The following KIAA0825 variants were observed in gnomAD, a reference collection of about 807,000 sequenced individuals.
The protein encoded by KIAA0825 is KIAA0825.
KIAA0825 carries 119 observed loss-of-function variants against 147.6 expected under a neutral mutation model. That is an observed-to-expected ratio of 0.81 (90% CI 0.69 to 0.94). The LOEUF (loss-of-function observed/expected upper bound fraction) is 0.94, where lower values mean the gene tolerates loss of function less well. Among genes scored for constraint, KIAA0825 ranks in the 40% least tolerant of loss-of-function variants. The probability of loss-of-function intolerance (pLI) is 0.00; values close to 1 mark genes in which losing one functional copy is unlikely to be tolerated. For missense variants in KIAA0825, 1,381 were observed against 1,472.7 expected (o/e 0.94, Z 1.02); for synonymous variants, 470 against 518.1 (o/e 0.91, Z 1.26).
chr5:94,444,931 A>T (rs1001026856), intron 13 of KIAA0825, among the ~76,000 whole-genome samples: 4 of 152,152 alleles, frequency 2.6e-5, no homozygotes, highest in African/African-American at 9.7e-5. Flanking sequence ...AAAGAGGTTT[A>T]ATTGACTCAC....
At chr5:94,445,948 C>T (rs1364881724) in intron 13 of KIAA0825, among the ~76,000 whole-genome samples, 1 of 152,238 alleles carries the variant, frequency 6.6e-6, no homozygotes, top group East Asian at 1.9e-4. Context: ...CATCAGAGCA[C>T]AAGATCGCTA....
chr5:94,304,512 C>T (rs1050249468), intron 20 of KIAA0825, among the ~76,000 whole-genome samples: 3 of 151,982 alleles, frequency 2.0e-5, no homozygotes, highest in Admixed American at 6.6e-5. Context: ...TCAGAAGACT[C>T]GCCGAATCTC....
chr5:94,521,550 A>G (rs1768207013), intron 4 of KIAA0825, among the ~76,000 whole-genome samples: 1 of 151,742 alleles, frequency 6.6e-6, no homozygotes, highest in African/African-American at 2.4e-5. Flanking sequence ...TTTGAAAATT[A>G]ATCTGAGAAT....
At chr5:94,258,530 C>T (rs1776349027) in intron 20 of KIAA0825, among the ~76,000 whole-genome samples, 1 of 151,764 alleles carries the variant, frequency 6.6e-6, no homozygotes, top group African/African-American at 2.4e-5. Context: ...TTCTGTTTTT[C>T]CCCCAGCAAC....
chr5:94,217,103 G>A (rs1773273116), intron 20 of KIAA0825, among the ~76,000 whole-genome samples: 1 of 152,140 alleles, frequency 6.6e-6, no homozygotes, highest in Admixed American at 6.6e-5. Flanking sequence ...ATGTATACAT[G>A]TAGGAGTTGA....
intron 20 of KIAA0825, among the ~76,000 whole-genome samples, chr5:94,296,585 G>T (rs1445955846): frequency 6.6e-6 from 1 of 152,178 alleles, no homozygotes; most frequent in Admixed American, 6.5e-5. Context: ...GATGGGAAAA[G>T]CATAGTATCT....
intron 15 of KIAA0825, among the ~76,000 whole-genome samples, chr5:94,408,673 C>T (rs1004759142): frequency 2.0e-5 from 3 of 151,972 alleles, no homozygotes; most frequent in Non-Finnish European, 4.4e-5. Flanking sequence ...ACGCCTGGCC[C>T]AGAGTGAATC....
At chr5:94,206,148 C>T (rs1354438798) in intron 20 of KIAA0825, among the ~76,000 whole-genome samples, 1 of 151,860 alleles carries the variant, frequency 6.6e-6, no homozygotes, top group Non-Finnish European at 1.5e-5. Context: ...CAATTCTAGC[C>T]TCTATGACTT....
chr5:94,486,025 T>C (rs1384711264), intron 5 of KIAA0825, among the ~76,000 whole-genome samples: 10 of 151,916 alleles, frequency 6.6e-5, no homozygotes, highest in Non-Finnish European at 1.5e-4. Flanking sequence ...CTTTATACTC[T>C]TTAAGAGTAT....
chr5:94,234,356 G>A (rs1583931329), intron 20 of KIAA0825, among the ~76,000 whole-genome samples: 1 of 150,970 alleles, frequency 6.6e-6, no homozygotes, highest in Non-Finnish European at 1.5e-5. Context: ...GGGCAACAGA[G>A]CGAGACTCCG....
At chr5:94,430,946 A>G (rs992945148) in intron 14 of KIAA0825, among the ~76,000 whole-genome samples, 1 of 152,166 alleles carries the variant, frequency 6.6e-6, no homozygotes, top group Non-Finnish European at 1.5e-5. Context: ...CTTCAAATAC[A>G]TGACAGCTGC....
chr5:94,515,092 C>G (rs576978693), intron 5 of KIAA0825, among the ~76,000 whole-genome samples: 1 of 152,074 alleles, frequency 6.6e-6, no homozygotes. Flanking sequence ...ATTTAAATCT[C>G]CTATTTCTAT....
chr5:94,417,005 C>A, intron 15 of KIAA0825, 196 bp downstream of exon 15: 1 of 480,066 alleles, frequency 2.1e-6, no homozygotes, highest in African/African-American at 1.9e-5. Context: ...GCATCTTGTC[C>A]CAAAGTATAT....
intron 20 of KIAA0825, among the ~76,000 whole-genome samples, chr5:94,220,682 T>C (rs1773598971): frequency 1.3e-5 from 2 of 152,210 alleles, no homozygotes; most frequent in Non-Finnish European, 2.9e-5. Context: ...AATTGTTTAC[T>C]GAAACATCAT....
chr5:94,523,878 G>C (rs975617059), intron 4 of KIAA0825, 52 bp downstream of exon 4: 17 of 1,196,822 alleles, frequency 1.4e-5, no homozygotes, highest in Non-Finnish European at 3.6e-6. Flanking sequence ...TGAATGAGTT[G>C]TATTCCCTGT....
chr5:94,332,302 C>T (rs181009097), intron 20 of KIAA0825, among the ~76,000 whole-genome samples: 62 of 150,726 alleles, frequency 4.1e-4, no homozygotes, highest in Admixed American at 1.9e-3. Context: ...TAGGTATACA[C>T]GTGCCATGGT....
At chr5:94,459,016 ACT>A (rs1312799770) in intron 12 of KIAA0825, among the ~76,000 whole-genome samples, 1 of 151,538 alleles carries the variant, frequency 6.6e-6, no homozygotes, top group Non-Finnish European at 1.5e-5. Flanking sequence ...CCACTGATCT[ACT>A]CTCTGTCTCT....
intron 20 of KIAA0825, among the ~76,000 whole-genome samples, chr5:94,381,498 A>G (rs752940543): frequency 7.2e-5 from 11 of 152,352 alleles, no homozygotes; most frequent in Non-Finnish European, 1.6e-4. Flanking sequence ...AGTAATCTAG[A>G]GATGATTTAA....
chr5:94,278,435 T>A (rs1777315195), intron 20 of KIAA0825, among the ~76,000 whole-genome samples: 1 of 152,080 alleles, frequency 6.6e-6, no homozygotes, highest in Admixed American at 6.6e-5. Flanking sequence ...AGTATGAAAA[T>A]TTGGAATTTA....
Sources: allele counts gnomAD v4.1 joint callset (sites outside exome capture counted in the v4.1 genomes callset), GRCh38; gene constraint gnomAD v4.1.1; transcripts MANE v1.5; gene names NCBI Gene and HGNC (gene_info 2026-07-23, HGNC 2026-07-21).